DNAH12: variants seen among roughly 807,000 people sequenced by gnomAD.
DNAH12 encodes axonemal beta dynein heavy chain 12.
Under a neutral mutation model 371.5 loss-of-function variants are expected in DNAH12, and 285 were observed. That is an observed-to-expected ratio of 0.77 (90% CI 0.70 to 0.85). The LOEUF is 0.85. DNAH12 is among the 40% of genes least tolerant of loss of function. The pLI is 0.00. For missense variants in DNAH12, 3,611 were observed against 3,689.4 expected (o/e 0.98, Z 0.55); for synonymous variants, 1,200 against 1,213.0 (o/e 0.99, Z 0.22).
At chr3:57,443,966 G>A (rs1048374488) in intron 29 of DNAH12, among the ~76,000 whole-genome samples, 2 of 152,148 alleles carry the variant, frequency 1.3e-5, no homozygotes, top group Non-Finnish European at 2.9e-5. Context: ...CACTTTGGGA[G>A]GCCAAGTCTG....
At chr3:57,332,473 G>A (rs2062121709) in intron 62 of DNAH12, among the ~76,000 whole-genome samples, 1 of 152,158 alleles carries the variant, frequency 6.6e-6, no homozygotes, top group African/African-American at 2.4e-5. Flanking sequence ...GGTGGTATAG[G>A]ACTGTGATCA....
At chr3:57,408,207 CA>C in intron 40 of DNAH12, 72 bp downstream of exon 40, 12 of 1,419,992 alleles carry the variant, frequency 8.5e-6, no homozygotes, top group Non-Finnish European at 1.0e-5. Flanking sequence ...CAGATAGCAT[CA>C]AAAAAATAAA....
At chr3:57,540,657 C>A (rs2069239940) in intron 2 of DNAH12, among the ~76,000 whole-genome samples, 1 of 152,174 alleles carries the variant, frequency 6.6e-6, no homozygotes, top group Non-Finnish European at 1.5e-5. Flanking sequence ...AGGCCTGATG[C>A]AGTGGCTCAT....
At chr3:57,478,539 G>T (rs1439649053) in intron 13 of DNAH12, among the ~76,000 whole-genome samples, 2 of 152,076 alleles carry the variant, frequency 1.3e-5, no homozygotes, top group South Asian at 2.1e-4. Context: ...ACCTAGCAAG[G>T]CAGGCCAACA....
intron 13 of DNAH12, among the ~76,000 whole-genome samples, chr3:57,479,057 C>T (rs1248028162): frequency 6.6e-6 from 1 of 152,140 alleles, no homozygotes; most frequent in East Asian, 1.9e-4. Flanking sequence ...ATGACAGGAA[C>T]AAATTCACAC....
At chr3:57,362,316 A>G (rs2062955476) in intron 58 of DNAH12, among the ~76,000 whole-genome samples, 1 of 152,128 alleles carries the variant, frequency 6.6e-6, no homozygotes, top group South Asian at 2.1e-4. Context: ...GAGTAGTGCC[A>G]CAATAAACAT....
At chr3:57,544,346 G>T, upstream of DNAH12, 1 of 152,236 alleles carries the variant, frequency 6.6e-6, no homozygotes, top group East Asian at 1.9e-4. Flanking sequence ...GAGAAGGGCG[G>T]TCGCTGACCG....
intron 23 of DNAH12, among the ~76,000 whole-genome samples, 186 bp from the exon 24 acceptor site, chr3:57,453,589 T>C (rs536541812): frequency 1.4e-5 from 2 of 145,246 alleles, no homozygotes; most frequent in East Asian, 2.0e-4. Flanking sequence ...GAGGATCTTC[T>C]TTTTTTTTTT....
At chr3:57,471,841 T>C (rs537561606) in intron 14 of DNAH12, among the ~76,000 whole-genome samples, 5 of 152,220 alleles carry the variant, frequency 3.3e-5, no homozygotes, top group Non-Finnish European at 7.3e-5. Context: ...AAATGCTTTA[T>C]TTAACAGATT....
the DNAH12 span, among the ~76,000 whole-genome samples, chr3:57,551,015 A>G: frequency 1.3e-5 from 2 of 149,288 alleles, no homozygotes; most frequent in Non-Finnish European, 3.0e-5. Context: ...AGTAGCTGGG[A>G]CTACATGCCC....
At chr3:57,380,952 G>A (rs891403964) in intron 50 of DNAH12, among the ~76,000 whole-genome samples, 6 of 152,126 alleles carry the variant, frequency 3.9e-5, no homozygotes, top group East Asian at 3.9e-4. Flanking sequence ...TTGCATAAAC[G>A]CCATCACAAT....
chr3:57,296,524 C>T (rs1198615145), intron 71 of DNAH12, 89 bp from the exon 72 acceptor site: 7 of 1,009,606 alleles, frequency 6.9e-6, no homozygotes, highest in Non-Finnish European at 1.0e-5. Context: ...AGAACACATT[C>T]AGGGAAACTC....
chr3:57,460,559 T>C (rs2066026794), intron 19 of DNAH12, among the ~76,000 whole-genome samples: 1 of 152,176 alleles, frequency 6.6e-6, no homozygotes, highest in Non-Finnish European at 1.5e-5. Context: ...TTCCCCTTGT[T>C]AGACAAGTAA....
In DNAH12 at chr3:57,323,493, A is replaced by C; in HGVS notation, c.10105T>G (p.Ser3369Ala). 5 of 1,550,054 alleles carry C rather than the reference A, an allele frequency of 3.2e-6. No individual in the cohort carries two copies. Among genetic ancestry groups the C allele is most frequent in the Non-Finnish European group, 4.4e-6 (5 of 1,146,580 alleles). The change falls in exon 63 of 74, where the codon TCT (serine) becomes GCT (alanine). Residue 3369 changes from serine (S) to alanine (A), a missense_variant. Transcript: ENST00000495027. Reference protein sequence around the residue: ...NCTIPLIFVLSPGADPMASLL... With the variant: ...NCTIPLIFVLAPGADPMASLL... ...CTGGCCATAGGATCTGCTCCTGGAG[A>C]TAGAACAAAAATTAAGGGAATGGTG...
intron 22 of DNAH12, among the ~76,000 whole-genome samples, chr3:57,456,872 T>C (rs2065916599): frequency 6.6e-6 from 1 of 152,142 alleles, no homozygotes; most frequent in South Asian, 2.1e-4. Context: ...GAACTCCCCC[T>C]CCTTACCCTT....
chr3:57,297,953 A>T, intron 70 of DNAH12, among the ~76,000 whole-genome samples: 1 of 152,208 alleles, frequency 6.6e-6, no homozygotes. Flanking sequence ...CAAACAAACC[A>T]AAAACATAGA....
chr3:57,356,944 T>C (rs2062815111), intron 59 of DNAH12, among the ~76,000 whole-genome samples: 2 of 151,930 alleles, frequency 1.3e-5, no homozygotes, highest in African/African-American at 4.8e-5. Context: ...GGTTTCATCA[T>C]GTTGGCCAGG....
intron 52 of DNAH12, among the ~76,000 whole-genome samples, chr3:57,378,068 T>C (rs1224534355): frequency 6.6e-6 from 1 of 152,172 alleles, no homozygotes; most frequent in African/African-American, 2.4e-5. Context: ...ATGTGTTAAA[T>C]AAGTAGACAG....
At chr3:57,420,908 CAA>C (rs369971376) in intron 36 of DNAH12, among the ~76,000 whole-genome samples, 7,089 of 77,888 alleles carry the variant, frequency 0.091, 154 homozygotes, top group Non-Finnish European at 0.12. Context: ...GACTCCGTCT[CAA>C]AAAAAAAAAA....
Sources: allele counts gnomAD v4.1 joint callset (sites outside exome capture counted in the v4.1 genomes callset), GRCh38; gene constraint gnomAD v4.1.1; transcripts MANE v1.5; gene names NCBI Gene and HGNC (gene_info 2026-07-23, HGNC 2026-07-21).